EVA1A: variants seen among roughly 807,000 people sequenced by gnomAD.
The protein encoded by EVA1A is protein eva-1 homolog A.
EVA1A carries 7 observed loss-of-function variants against 9.8 expected under a neutral mutation model. The ratio of observed to expected loss-of-function variants is 0.71; its 90% CI spans 0.41 to 1.34. The LOEUF (loss-of-function observed/expected upper bound fraction) is 1.34, where lower values mean the gene tolerates loss of function less well. EVA1A is among the 40% of genes most tolerant of loss of function. EVA1A has a pLI of 0.01. For synonymous variants in EVA1A, 90 were observed against 85.6 expected, an observed-to-expected ratio of 1.05 and a Z score of -0.28; for missense variants, 206 against 205.9, an observed-to-expected ratio of 1.00 and a Z score of 0.00.
rs1674085046 is a variant in EVA1A at position 75,493,091 on chromosome 2, C to T, written c.*145G>A. On this transcript the variant is annotated 3_prime_UTR_variant, in exon 4 of 4. Transcript: ENST00000393913. The stretch of plus-strand genomic sequence containing the variant: ...TACATTTGGCCAAAAAGGAGCAATC[C>T]TCCTGGCTAGAAAAGGGGCATGTCC... 1 of 1,224,150 alleles carries T rather than the reference C, an allele frequency of 8.2e-7. No individual in the cohort carries two copies. 75.8% of individuals were successfully genotyped at this position (1,224,150 alleles called of 1,614,324 possible). A position where few individuals can be genotyped will look rare whatever the true frequency, so the allele number is the denominator to read the frequency against.
At chr2:75,497,026 A>G (rs1674236441) in intron 3 of EVA1A, among the ~76,000 whole-genome samples, 1 of 152,224 alleles carries the variant, frequency 6.6e-6, no homozygotes, top group Non-Finnish European at 1.5e-5. Context: ...TACCTTATAC[A>G]AAAATTAACT....
chr2:75,555,860 C>T (rs1217204304), intron 1 of EVA1A, among the ~76,000 whole-genome samples: 3 of 152,180 alleles, frequency 2.0e-5, no homozygotes, highest in Non-Finnish European at 4.4e-5. Context: ...GCTCTTTAAT[C>T]ACCAGTCCCT....
At chr2:75,526,925 C>T (rs1467170719) in intron 1 of EVA1A, among the ~76,000 whole-genome samples, 2 of 152,176 alleles carry the variant, frequency 1.3e-5, no homozygotes, top group Non-Finnish European at 2.9e-5. Context: ...GTCTGAAAGA[C>T]TTGTTGGGGG....
At position 75,518,172 on chromosome 2, in the gene EVA1A, T is replaced by C. The variant is rs372483305; in HGVS notation, c.-32A>G. ...TCCAGAGGGGACCTCCTGGAGGTGCTTGGCTGAATCAACGTGGCCACTCTC... is the reference window on the plus strand; with the variant it reads ...TCCAGAGGGGACCTCCTGGAGGTGCCTGGCTGAATCAACGTGGCCACTCTC... On this transcript the variant is annotated 5_prime_UTR_variant, in exon 3 of 4. Coordinates refer to ENST00000393913, the MANE Select transcript of EVA1A (RefSeq NM_001135032.2). 4.4e-6 allele frequency: 7 copies of C among 1,607,400 alleles called. No homozygotes were observed. The African/African-American group carries it at 6.7e-5, about 15-fold the overall frequency.
intron 1 of EVA1A, among the ~76,000 whole-genome samples, chr2:75,566,448 T>C (rs1187621986): frequency 1.3e-5 from 2 of 152,176 alleles, no homozygotes; most frequent in Non-Finnish European, 2.9e-5. Flanking sequence ...AAAAGAACTT[T>C]TCATGGAACT....
intron 1 of EVA1A, among the ~76,000 whole-genome samples, chr2:75,527,001 A>G (rs1381562290): frequency 1.3e-5 from 2 of 152,176 alleles, no homozygotes; most frequent in African/African-American, 4.8e-5. Context: ...GTAGCTGAAG[A>G]AGCCAGCAAT....
intron 3 of EVA1A, among the ~76,000 whole-genome samples, chr2:75,496,127 G>A (rs1341442322): frequency 6.6e-6 from 1 of 152,046 alleles, no homozygotes; most frequent in Non-Finnish European, 1.5e-5. Context: ...AAGTGAAAGT[G>A]CTTGGTAAAC....
intron 1 of EVA1A, among the ~76,000 whole-genome samples, chr2:75,525,012 C>T (rs1265621870): frequency 2.0e-5 from 3 of 151,468 alleles, no homozygotes; most frequent in Non-Finnish European, 2.9e-5. Context: ...CTTTCATTTT[C>T]TCCTCACCTT....
intron 2 of EVA1A, among the ~76,000 whole-genome samples, 167 bp from the exon 3 acceptor site, chr2:75,518,375 G>T (rs889806381): frequency 6.6e-6 from 1 of 152,050 alleles, no homozygotes; most frequent in Non-Finnish European, 1.5e-5. Context: ...CTTTTTTGGG[G>T]GTATAGCTTC....
intron 1 of EVA1A, among the ~76,000 whole-genome samples, chr2:75,532,326 T>A (rs114383532): frequency 0.015 from 2,353 of 152,234 alleles, 56 homozygotes; most frequent in African/African-American, 0.054. Context: ...GAAATACTTG[T>A]AACACAGCCA....
At chr2:75,539,721 G>A (rs1676042917) in intron 1 of EVA1A, among the ~76,000 whole-genome samples, 1 of 151,114 alleles carries the variant, frequency 6.6e-6, no homozygotes, top group Non-Finnish European at 1.5e-5. Context: ...AGGCAAAATG[G>A]GAAAACTAAA....
intron 3 of EVA1A, among the ~76,000 whole-genome samples, chr2:75,511,231 T>C (rs954115564): frequency 3.9e-5 from 6 of 152,330 alleles, no homozygotes; most frequent in African/African-American, 1.2e-4. Flanking sequence ...AAGTTATTAA[T>C]ATTTTTCTCA....
chr2:75,523,469 C>A lies in EVA1A; in HGVS notation c.-191-982G>T, dbSNP rs372435567. ...AATGGAAAAACAGTCCTTATATCAC[C>A]GGCTGGGGAGAGGATACACATGGCC... On this transcript the variant is annotated intron_variant, in intron 1 of 3. Transcript: ENST00000393913. Among the ~76,000 whole-genome samples the A allele has an allele frequency of 1.4e-4, 22 of 152,254 alleles. No individual in the cohort carries two copies. In the East Asian group the frequency reaches 4.1e-3, roughly 28 times the overall value.
At chr2:75,559,706 G>C (rs529145910) in intron 1 of EVA1A, among the ~76,000 whole-genome samples, 2,640 of 131,340 alleles carry the variant, frequency 0.02, 65 homozygotes, top group Middle Eastern at 0.043. Context: ...GTGGGGGGGG[G>C]GCGGGGGAGT....
chr2:75,524,443 C>T (rs1675346838), intron 1 of EVA1A, among the ~76,000 whole-genome samples: 3 of 151,988 alleles, frequency 2.0e-5, no homozygotes, highest in Admixed American at 2.0e-4. Flanking sequence ...GACCCTTCTG[C>T]TGCCCTCTCC....
intron 2 of EVA1A, among the ~76,000 whole-genome samples, chr2:75,519,599 C>G (rs180866954): frequency 1.3e-5 from 2 of 152,072 alleles, no homozygotes; most frequent in Non-Finnish European, 2.9e-5. Flanking sequence ...GTTAAGGGAC[C>G]CTTGAGCCGC....
chr2:75,555,396 A>G (rs1185856484), intron 1 of EVA1A, among the ~76,000 whole-genome samples: 1 of 147,110 alleles, frequency 6.8e-6, no homozygotes, highest in Non-Finnish European at 1.5e-5. Flanking sequence ...GGAGAAATTT[A>G]GCAATTGCTT....
rs76293359 is a variant in EVA1A at position 75,520,032 on chromosome 2, T to C, written c.-68-1824A>G. On this transcript the variant is annotated intron_variant, in intron 2 of 3. Transcript: ENST00000393913. ...AATTTCCATTGACCTCTTAACACAA[T>C]ACACATCCACTTTCACAATATCTGA... 2.6e-4 allele frequency among the ~76,000 whole-genome samples: 40 copies of C among 152,252 alleles called. 1 individual carries two copies. In the East Asian group the frequency reaches 7.5e-3, roughly 29 times the overall value.
intron 1 of EVA1A, among the ~76,000 whole-genome samples, chr2:75,531,297 G>T (rs1675639892): frequency 6.6e-6 from 1 of 152,184 alleles, no homozygotes; most frequent in African/African-American, 2.4e-5. Flanking sequence ...TTTTTACACT[G>T]CTGGTGGGAA....
Sources: gnomAD v4.1 joint callset for allele counts (sites outside exome capture counted in the v4.1 genomes callset) on GRCh38, gnomAD v4.1.1 for gene constraint, MANE v1.5 for transcripts, NCBI Gene and HGNC (gene_info 2026-07-23, HGNC 2026-07-21) for gene names.